PCBP3: variants seen among roughly 807,000 people sequenced by gnomAD.
PCBP3 encodes the protein poly(rC)-binding protein 3.
PCBP3 carries 25 observed loss-of-function variants against 52.7 expected under a neutral mutation model. That is an observed-to-expected ratio of 0.47 (90% confidence interval 0.35 to 0.66). The LOEUF (loss-of-function observed/expected upper bound fraction) is 0.66, where lower values mean the gene tolerates loss of function less well. PCBP3 is among the 30% of genes least tolerant of loss of function. The pLI is 0.01. For synonymous variants in PCBP3, 162 were observed against 183.0 expected (o/e 0.89, Z 0.93); for missense variants, 391 against 490.3 (o/e 0.80, Z 1.91).
At chr21:45,840,301 T>A (rs57688476) in intron 4 of PCBP3, among the ~76,000 whole-genome samples, 25,281 of 150,730 alleles carry the variant, frequency 0.17, 2,341 homozygotes, top group Middle Eastern at 0.3. Flanking sequence ...AAAAAAATTT[T>A]AAAAAATTAG....
chr21:45,815,921 A>G (rs1290178073), intron 4 of PCBP3, among the ~76,000 whole-genome samples: 1 of 102,376 alleles, frequency 9.8e-6, no homozygotes, highest in East Asian at 3.3e-4. Flanking sequence ...GTGAGTGATG[A>G]GTGAGTGGTG....
At chr21:45,685,031 G>T (rs1293052090) in intron 2 of PCBP3, among the ~76,000 whole-genome samples, 1 of 152,160 alleles carries the variant, frequency 6.6e-6, no homozygotes, top group Non-Finnish European at 1.5e-5. Context: ...TACCATATCA[G>T]CTTGTTGGCT....
At chr21:45,675,760 A>G (rs1470140173) in intron 2 of PCBP3, among the ~76,000 whole-genome samples, 1 of 152,186 alleles carries the variant, frequency 6.6e-6, no homozygotes, top group East Asian at 1.9e-4. Context: ...ATATGGAGCC[A>G]TTCTTTCCTT....
At chr21:45,815,036 ATGAGTG>A (rs2092843973) in intron 4 of PCBP3, among the ~76,000 whole-genome samples, 1 of 59,442 alleles carries the variant, frequency 1.7e-5, no homozygotes, top group Non-Finnish European at 3.1e-5. Context: ...TGAGTGAGTG[ATGAGTG>A]GTGAGTGGTG....
intron 5 of PCBP3, among the ~76,000 whole-genome samples, chr21:45,885,876 A>C (rs981307928): frequency 6.6e-6 from 1 of 152,232 alleles, no homozygotes; most frequent in African/African-American, 2.4e-5. Flanking sequence ...TGGGGCTGAC[A>C]CTGTCTTTCA....
At chr21:45,792,371 G>A (rs1242296431) in intron 4 of PCBP3, among the ~76,000 whole-genome samples, 1 of 152,232 alleles carries the variant, frequency 6.6e-6, no homozygotes, top group African/African-American at 2.4e-5. Flanking sequence ...AGTGATGAAG[G>A]TGCAGAGAAG....
intron 7 of PCBP3, 80 bp from the exon 8 acceptor site, chr21:45,900,511 T>C (rs7281638): frequency 0.37 from 407,699 of 1,108,520 alleles, 79,721 homozygotes; most frequent in East Asian, 0.64. Flanking sequence ...TGGGCCAGGC[T>C]GCTCCCCACC....
At chr21:45,687,688 A>C (rs1029058817) in intron 2 of PCBP3, among the ~76,000 whole-genome samples, 4 of 152,168 alleles carry the variant, frequency 2.6e-5, no homozygotes. Flanking sequence ...AAGGATGAAA[A>C]AGATATACCA....
At chr21:45,729,699 C>A (rs1424593641) in intron 2 of PCBP3, among the ~76,000 whole-genome samples, 2 of 151,720 alleles carry the variant, frequency 1.3e-5, no homozygotes, top group East Asian at 3.9e-4. Context: ...GGCCTTCTAC[C>A]TTTTTTCTTG....
In PCBP3 at chr21:45,676,728, A is replaced by C. The variant is rs111510090; in HGVS notation, c.-200+7776A>C. ...TTAATAACCCTTCAGTGGCCTCTAC[A>C]TGTTCAGGTGAAAGGAAGGGTTGCA... On this transcript the variant is annotated intron_variant, in intron 2 of 17. Coordinates refer to ENST00000681687, the MANE Select transcript of PCBP3 (RefSeq NM_001384156.1). Among the ~76,000 whole-genome samples the C allele has an allele frequency of 1.4e-4, 21 of 152,162 alleles. 1 individual carries two copies. The highest frequency in any genetic ancestry group is 4.6e-4 in the African/African-American group (19 of 41,514).
intron 4 of PCBP3, among the ~76,000 whole-genome samples, chr21:45,781,347 T>C (rs1289990938): frequency 6.6e-6 from 1 of 152,150 alleles, no homozygotes; most frequent in Non-Finnish European, 1.5e-5. Flanking sequence ...CAAACAAAAA[T>C]GGCTGCAAGA....
chr21:45,842,867 G>C (rs972090370), intron 4 of PCBP3, among the ~76,000 whole-genome samples: 2 of 152,180 alleles, frequency 1.3e-5, no homozygotes, highest in Non-Finnish European at 2.9e-5. Flanking sequence ...TGTGCGTCCT[G>C]TCCTGTGCAT....
intron 2 of PCBP3, among the ~76,000 whole-genome samples, chr21:45,681,053 G>A (rs1297563239): frequency 6.6e-6 from 1 of 152,114 alleles, no homozygotes; most frequent in Non-Finnish European, 1.5e-5. Context: ...ATGGCGGAAG[G>A]CAGAGGGCAA....
intron 5 of PCBP3, among the ~76,000 whole-genome samples, chr21:45,887,882 G>T (rs2095558400): frequency 6.6e-6 from 1 of 152,252 alleles, no homozygotes; most frequent in African/African-American, 2.4e-5. Flanking sequence ...ATCAATAGAT[G>T]TCTAGTACCA....
rs1336528997 is a variant in PCBP3 at position 45,817,040 on chromosome 21, G to A, written c.-125-32921G>A. On this transcript the variant is annotated intron_variant, in intron 4 of 17. Transcript: ENST00000681687. The surrounding 1 kb of genome is among the most constrained non-coding windows in gnomAD (Gnocchi z 4.3). The stretch of plus-strand genomic sequence containing the variant: ...AAGGGACGGCTGTGGTATATGGCAC[G>A]TCTGTTGTTGCCTGAAATGCCGTTG... 2.0e-5 allele frequency among the ~76,000 whole-genome samples: 3 copies of A among 152,116 alleles called. No homozygotes were observed. The highest frequency in any genetic ancestry group is 2.1e-4 in the South Asian group (1 of 4,820).
intron 2 of PCBP3, among the ~76,000 whole-genome samples, chr21:45,730,112 G>A (rs2085344790): frequency 1.3e-5 from 2 of 151,544 alleles, no homozygotes; most frequent in South Asian, 4.2e-4. Flanking sequence ...GTTTTAGTAA[G>A]CTTAGGTAAT....
At chr21:45,701,587 ACT>A (rs2083130273) in intron 2 of PCBP3, among the ~76,000 whole-genome samples, 1 of 152,126 alleles carries the variant, frequency 6.6e-6, no homozygotes. Context: ...TTTGAGACAG[ACT>A]CTTGCTCTGT....
At chr21:45,727,417 G>A (rs1340150450) in intron 2 of PCBP3, among the ~76,000 whole-genome samples, 1 of 152,248 alleles carries the variant, frequency 6.6e-6, no homozygotes, top group Non-Finnish European at 1.5e-5. Flanking sequence ...TGACTGTCAT[G>A]AAGGAAGAAA....
At chr21:45,773,579 T>C (rs898961261) in intron 4 of PCBP3, among the ~76,000 whole-genome samples, 4 of 152,246 alleles carry the variant, frequency 2.6e-5, no homozygotes, top group Non-Finnish European at 4.4e-5. Context: ...GGTTCTCTAT[T>C]CTGCTCCAGT....
Sources: allele counts gnomAD v4.1 joint callset (sites outside exome capture counted in the v4.1 genomes callset), GRCh38; gene constraint gnomAD v4.1.1; non-coding constraint Gnocchi (gnomAD v3.1); transcripts MANE v1.5; gene names NCBI Gene and HGNC (gene_info 2026-07-23, HGNC 2026-07-21).